Variants in ADARB2 observed in about 807,000 individuals in gnomAD.
ADARB2 encodes the protein inactive double-stranded RNA-specific editase B2.
ADARB2 carries 25 observed loss-of-function variants against 62.2 expected under a neutral mutation model. That is an observed-to-expected ratio of 0.40 (90% CI 0.29 to 0.56). The LOEUF (loss-of-function observed/expected upper bound fraction) is 0.56. Among genes scored for constraint, ADARB2 ranks in the 20% least tolerant of loss-of-function variants. The probability of loss-of-function intolerance (pLI) is 0.43; values close to 1 mark genes in which losing one functional copy is unlikely to be tolerated. For missense variants in ADARB2, 1,071 were observed against 1,077.4 expected, an observed-to-expected ratio of 0.99 and a Z score of 0.08; for synonymous variants, 572 against 500.8, an observed-to-expected ratio of 1.14 and a Z score of -1.90.
In ADARB2 at chr10:1,737,123, C is replaced by T. The variant is rs763405778; in HGVS notation, c.28G>A (p.Gly10Arg). ...AGTTGACTGCTCAGCCCTCCAGACC[C>T]TCTGCCGCTCCCCAGGACCGAGGCC... MASVLGSGR[G>R]SGGLSSQLKC... Residue 10 changes from glycine (G) to arginine (R), a missense_variant, in exon 1 of 10, where the codon GGG becomes AGG. Physicochemically the swap from Gly to Arg is moderately radical, Grantham distance 125. Transcript: ENST00000381312. 4 of 1,610,180 alleles carry T rather than the reference C, an allele frequency of 2.5e-6. No homozygotes were observed. Among genetic ancestry groups the T allele is most frequent in the Non-Finnish European group, 2.5e-6 (3 of 1,179,900 alleles).
intron 1 of ADARB2, among the ~76,000 whole-genome samples, chr10:1,441,597 C>A (rs1292823525): frequency 6.6e-6 from 1 of 152,192 alleles, no homozygotes; most frequent in Non-Finnish European, 1.5e-5. Flanking sequence ...TTCACTTACA[C>A]AAAATCACAC....
intron 1 of ADARB2, among the ~76,000 whole-genome samples, chr10:1,408,974 G>C (rs1388970375): frequency 6.6e-6 from 1 of 152,188 alleles, no homozygotes; most frequent in Non-Finnish European, 1.5e-5. Flanking sequence ...CTGGCTCCGT[G>C]GTGGTGGCGT....
At chr10:1,411,501 A>C (rs1270998215) in intron 1 of ADARB2, among the ~76,000 whole-genome samples, 1 of 152,128 alleles carries the variant, frequency 6.6e-6, no homozygotes, top group East Asian at 1.9e-4. Flanking sequence ...GATTCTGTGA[A>C]CCCAAAGCGG....
In ADARB2 at chr10:1,737,486, C is replaced by G; in HGVS notation, c.-336G>C. 1 of 315,524 alleles carries G rather than the reference C, an allele frequency of 3.2e-6. No homozygotes were observed. The highest frequency in any genetic ancestry group is 5.9e-6 in the Non-Finnish European group (1 of 168,904). The allele number at this position is 315,524 out of a possible 1,614,324, so 19.5% of individuals were successfully genotyped here. A position where few individuals can be genotyped will look rare whatever the true frequency, so the allele number is the denominator to read the frequency against. ...CTGGGCTCCCAGCGCAGGGAGGCTA[C>G]TTTTGCGCCTCTGCTAGTTGTTTGG... On this transcript the variant is annotated 5_prime_UTR_variant, in exon 1 of 10. Coordinates refer to ENST00000381312, the MANE Select transcript of ADARB2 (RefSeq NM_018702.4).
At chr10:1,405,756 A>G (rs2001197) in intron 1 of ADARB2, among the ~76,000 whole-genome samples, 1 of 151,840 alleles carries the variant, frequency 6.6e-6, no homozygotes, top group African/African-American at 2.4e-5. Context: ...CATTTATTAA[A>G]CCCCCTAGAT....
intron 3 of ADARB2, among the ~76,000 whole-genome samples, chr10:1,298,720 ATTTTTTTT>A (rs75978268): frequency 2.7e-4 from 30 of 110,718 alleles, no homozygotes; most frequent in Non-Finnish European, 4.0e-4. Context: ...TGCGACGGGA[ATTTTTTTT>A]TTTTTTTTTT....
At chr10:1,612,791 G>C (rs549662432) in intron 1 of ADARB2, among the ~76,000 whole-genome samples, 1 of 152,182 alleles carries the variant, frequency 6.6e-6, no homozygotes, top group Non-Finnish European at 1.5e-5. Context: ...TAAGGGCTAC[G>C]TTGTATAAGC....
chr10:1,211,104 CCTAT>C (rs1254085246), intron 7 of ADARB2, among the ~76,000 whole-genome samples: 8 of 152,026 alleles, frequency 5.3e-5, no homozygotes, highest in African/African-American at 1.4e-4. Flanking sequence ...CTCCCTCCCT[CCTAT>C]CTATCTTCTA....
chr10:1,214,597 A>G (rs1162597944), intron 7 of ADARB2, among the ~76,000 whole-genome samples: 4 of 152,176 alleles, frequency 2.6e-5, no homozygotes, highest in African/African-American at 7.2e-5. Flanking sequence ...TCCACCATCT[A>G]TGGATGTTGA....
Position 1,183,016 on chromosome 10 carries a change from G to T in ADARB2, c.*177C>A. ...ACAGGGTTCTGGGGCCAGCGATCTG[G>T]AAAGAGGCACGTTCTGAATTTGTGT... On this transcript the variant is annotated 3_prime_UTR_variant, in exon 10 of 10. Coordinates refer to ENST00000381312, the MANE Select transcript of ADARB2 (RefSeq NM_018702.4). The T allele has an allele frequency of 1.4e-6, 1 of 731,494 alleles. No homozygotes were observed. The highest frequency in any genetic ancestry group is 2.2e-6 in the Non-Finnish European group (1 of 456,670). 45.3% of individuals were successfully genotyped at this position (731,494 alleles called of 1,614,324 possible). A position where few individuals can be genotyped will look rare whatever the true frequency, so the allele number is the denominator to read the frequency against.
At chr10:1,220,197 G>A (rs1306825759) in intron 6 of ADARB2, among the ~76,000 whole-genome samples, 1 of 150,606 alleles carries the variant, frequency 6.6e-6, no homozygotes, top group Non-Finnish European at 1.5e-5. Flanking sequence ...TGATGATGAT[G>A]ATGGTAATGG....
chr10:1,265,095 G>T (rs148145301), intron 4 of ADARB2, among the ~76,000 whole-genome samples: 1 of 152,208 alleles, frequency 6.6e-6, no homozygotes, highest in Non-Finnish European at 1.5e-5. Context: ...GAACTGGGAA[G>T]GATAAAGGAC....
intron 1 of ADARB2, among the ~76,000 whole-genome samples, chr10:1,424,721 A>G (rs976555653): frequency 1.3e-5 from 2 of 152,166 alleles, no homozygotes; most frequent in Non-Finnish European, 2.9e-5. Flanking sequence ...TGCTTGTTCC[A>G]TGTGATGGAA....
chr10:1,465,483 C>G (rs1479203578), intron 1 of ADARB2, among the ~76,000 whole-genome samples: 4 of 152,160 alleles, frequency 2.6e-5, no homozygotes, highest in African/African-American at 9.7e-5. Flanking sequence ...GGGTCGGGGA[C>G]GTCACTGTGT....
chr10:1,325,551 C>T (rs1831836897), intron 3 of ADARB2, among the ~76,000 whole-genome samples: 1 of 152,166 alleles, frequency 6.6e-6, no homozygotes. Flanking sequence ...CTGACTTCCT[C>T]CATATTTAAA....
chr10:1,258,823 C>T (rs1253361117), intron 4 of ADARB2, among the ~76,000 whole-genome samples: 1 of 152,176 alleles, frequency 6.6e-6, no homozygotes, highest in African/African-American at 2.4e-5. Context: ...CAGAAGTCTC[C>T]ACCCCAAATC....
intron 1 of ADARB2, among the ~76,000 whole-genome samples, chr10:1,569,128 C>T (rs1049864548): frequency 7.5e-6 from 1 of 133,346 alleles, no homozygotes; most frequent in African/African-American, 2.7e-5. Flanking sequence ...GAGACAGAGA[C>T]AAAGAGAGAG....
At chr10:1,435,387 G>A (rs1830823848) in intron 1 of ADARB2, among the ~76,000 whole-genome samples, 1 of 152,206 alleles carries the variant, frequency 6.6e-6, no homozygotes, top group African/African-American at 2.4e-5. Context: ...TCTAATCTCT[G>A]CTGTGGTAAA....
chr10:1,624,003 C>G (rs564060270), intron 1 of ADARB2, among the ~76,000 whole-genome samples: 1 of 152,038 alleles, frequency 6.6e-6, no homozygotes, highest in South Asian at 2.1e-4. Context: ...GAGGCTGAGG[C>G]GGATCGATCA....
Sources: gnomAD v4.1 joint callset for allele counts (sites outside exome capture counted in the v4.1 genomes callset) on GRCh38, gnomAD v4.1.1 for gene constraint, MANE v1.5 for transcripts, NCBI Gene and HGNC (gene_info 2026-07-23, HGNC 2026-07-21) for gene names.